NPSR1: variants seen among roughly 807,000 people sequenced by gnomAD.
The protein encoded by NPSR1 is neuropeptide S receptor 1.
NPSR1 carries 48 observed loss-of-function variants against 46.9 expected under a neutral mutation model. The ratio of observed to expected loss-of-function variants is 1.02; its 90% CI spans 0.81 to 1.30. The LOEUF is 1.30. NPSR1 is among the 50% of genes most tolerant of loss of function. NPSR1 has a pLI of 0.00. For missense variants in NPSR1, 450 were observed against 449.5 expected, an observed-to-expected ratio of 1.00 and a Z score of -0.01; for synonymous variants, 176 against 168.1, an observed-to-expected ratio of 1.05 and a Z score of -0.36.
chr7:34,845,388 A>C (rs1479791092), intron 7 of NPSR1, among the ~76,000 whole-genome samples: 1 of 152,164 alleles, frequency 6.6e-6, no homozygotes, highest in Non-Finnish European at 1.5e-5. Flanking sequence ...GGTTCACTAC[A>C]AATTTCCCCC....
intron 5 of NPSR1, among the ~76,000 whole-genome samples, chr7:34,833,838 T>A (rs767380206): frequency 1.3e-5 from 2 of 152,156 alleles, no homozygotes; most frequent in Non-Finnish European, 2.9e-5. Flanking sequence ...GCACCTTGCT[T>A]CTTCAAAGCC....
intron 8 of NPSR1, among the ~76,000 whole-genome samples, chr7:34,861,346 T>C (rs1791187329): frequency 6.6e-6 from 1 of 151,900 alleles, no homozygotes; most frequent in East Asian, 1.9e-4. Flanking sequence ...CTCAGATATC[T>C]GCTTGTCCAA....
chr7:34,849,665 C>A lies in NPSR1; in HGVS notation c.*10C>A. ...GCCAGAATTCATCTAGACCCTAGGG[C>A]AGTGCCAGTGCTAGGCTGAGCACCA... On this transcript the variant is annotated 3_prime_UTR_variant, in exon 9 of 9. Transcript: ENST00000360581. The A allele has an allele frequency of 1.2e-6, 2 of 1,613,968 alleles. No individual in the cohort carries two copies. Among genetic ancestry groups the A allele is most frequent in the Non-Finnish European group, 1.7e-6 (2 of 1,179,964 alleles).
intron 2 of NPSR1, chr7:34,751,199 GA>G: frequency 9.0e-7 from 1 of 1,114,860 alleles, no homozygotes; most frequent in Non-Finnish European, 1.4e-6. Context: ...ACCAGATTGG[GA>G]AAGTGGATGG....
intron 2 of NPSR1, among the ~76,000 whole-genome samples, chr7:34,692,613 TAAC>T (rs143345414): frequency 6.7e-4 from 102 of 151,930 alleles, no homozygotes; most frequent in African/African-American, 2.4e-3. Flanking sequence ...GATTTCAAAT[TAAC>T]AACCTAACAT....
chr7:34,815,073 G>A (rs181523902), intron 4 of NPSR1, among the ~76,000 whole-genome samples: 57 of 152,316 alleles, frequency 3.7e-4, no homozygotes, highest in African/African-American at 1.3e-3. Flanking sequence ...TGACTTTGAC[G>A]AGTTGACAGA....
intron 2 of NPSR1, among the ~76,000 whole-genome samples, chr7:34,723,755 T>A (rs1415612264): frequency 6.6e-6 from 1 of 152,118 alleles, no homozygotes; most frequent in Non-Finnish European, 1.5e-5. Flanking sequence ...AATCCCTTCA[T>A]CTCAGCCTCC....
chr7:34,731,252 ATACT>A (rs1435946875), intron 2 of NPSR1, among the ~76,000 whole-genome samples: 1 of 152,176 alleles, frequency 6.6e-6, no homozygotes, highest in Non-Finnish European at 1.5e-5. Flanking sequence ...TAGAAGATAA[ATACT>A]TAATACAAGA....
intron 3 of NPSR1, among the ~76,000 whole-genome samples, chr7:34,790,957 ATG>A (rs1562730082): frequency 1.2e-4 from 11 of 94,658 alleles, no homozygotes; most frequent in East Asian, 3.8e-4. Context: ...TATATGTTAT[ATG>A]TTATATTATA....
At chr7:34,838,789 T>C (rs1240581820) in intron 6 of NPSR1, among the ~76,000 whole-genome samples, 1 of 152,176 alleles carries the variant, frequency 6.6e-6, no homozygotes, top group Non-Finnish European at 1.5e-5. Context: ...GTGGAGGAGA[T>C]GGGGTTTCCA....
At chr7:34,865,420 C>G (rs1179164877) in intron 8 of NPSR1, among the ~76,000 whole-genome samples, 1 of 151,786 alleles carries the variant, frequency 6.6e-6, no homozygotes, top group South Asian at 2.1e-4. Flanking sequence ...GAGGGCGAGG[C>G]TGAGCTGAGC....
chr7:34,796,778 T>C (rs992625038), intron 3 of NPSR1, among the ~76,000 whole-genome samples: 7 of 152,326 alleles, frequency 4.6e-5, no homozygotes, highest in Admixed American at 4.6e-4. Flanking sequence ...AGTGGTTTAT[T>C]CCAAAATTAC....
intron 8 of NPSR1, among the ~76,000 whole-genome samples, chr7:34,855,733 A>T (rs1309445021): frequency 6.6e-6 from 1 of 152,172 alleles, no homozygotes; most frequent in African/African-American, 2.4e-5. Flanking sequence ...ATTGCAAGTC[A>T]ATTTTGCCGC....
rs528220291 is a variant in NPSR1, at chr7:34,724,990, G to GT, written c.280+40307dup. ...ATGTTCAACGGTAATAGACAGCAAA[G>GT]TGTTACCAAGCTACCCAAATGGATG... On this transcript the variant is annotated intron_variant, in intron 2 of 8. Transcript: ENST00000360581. 3.4e-3 allele frequency among the ~76,000 whole-genome samples: 522 copies of GT among 152,182 alleles called. 3 individuals carry two copies. The highest frequency in any genetic ancestry group is 0.012 in the African/African-American group (508 of 41,522).
chr7:34,801,817 C>CAAAA, intron 3 of NPSR1, among the ~76,000 whole-genome samples: 1 of 148,166 alleles, frequency 6.7e-6, no homozygotes, highest in Non-Finnish European at 1.5e-5. Context: ...TATCTAGCCC[C>CAAAA]ATCATCTCAG....
chr7:34,796,844 A>T (rs922069346), intron 3 of NPSR1, among the ~76,000 whole-genome samples: 14 of 152,212 alleles, frequency 9.2e-5, no homozygotes, highest in African/African-American at 1.2e-4. Context: ...AAATAAGTTG[A>T]AAACATATAT....
chr7:34,849,435 C>T (rs1469549981), intron 8 of NPSR1, 130 bp from the exon 9 acceptor site: 20 of 1,587,718 alleles, frequency 1.3e-5, no homozygotes, highest in Non-Finnish European at 1.7e-5. Flanking sequence ...CAGGGTATTA[C>T]ATGTAAAGTG....
intron 2 of NPSR1, chr7:34,723,454 T>C (rs1424226431): frequency 6.6e-6 from 1 of 152,338 alleles, no homozygotes; most frequent in Non-Finnish European, 1.5e-5. Flanking sequence ...ACCAAGTGCC[T>C]AAGAATTTGA....
intron 5 of NPSR1, among the ~76,000 whole-genome samples, chr7:34,833,034 G>T (rs1011382410): frequency 6.6e-6 from 1 of 152,210 alleles, no homozygotes; most frequent in Admixed American, 6.5e-5. Flanking sequence ...CTTTCCTGGA[G>T]CACTTGGAGG....
Sources: gnomAD v4.1 joint callset for allele counts (sites outside exome capture counted in the v4.1 genomes callset) on GRCh38, gnomAD v4.1.1 for gene constraint, MANE v1.5 for transcripts, NCBI Gene and HGNC (gene_info 2026-07-23, HGNC 2026-07-21) for gene names.